TBC1D10C: variants seen among roughly 807,000 people sequenced by gnomAD.
The protein encoded by TBC1D10C is TBC1 domain family member 10C, also known as carabin.
Under a neutral mutation model 51.0 loss-of-function variants are expected in TBC1D10C, and 49 were observed. That is an observed-to-expected ratio of 0.96 (90% CI 0.76 to 1.22). TBC1D10C has a LOEUF of 1.22. Among genes scored for constraint, TBC1D10C ranks in the 50% most tolerant of loss-of-function variants. The pLI is 0.00. For synonymous variants in TBC1D10C, 281 were observed against 266.7 expected, an observed-to-expected ratio of 1.05 and a Z score of -0.52; for missense variants, 541 against 617.5, an observed-to-expected ratio of 0.88 and a Z score of 1.31.
chr11:67,407,257 C>A, intron 7 of TBC1D10C: 1 of 525,800 alleles, frequency 1.9e-6, no homozygotes, highest in South Asian at 2.7e-5. Context: ...GATCACAGCA[C>A]ATGGAGGCCT....
intron 7 of TBC1D10C, chr11:67,407,427 C>G: frequency 5.0e-6 from 1 of 198,998 alleles, no homozygotes; most frequent in Non-Finnish European, 1.0e-5. Flanking sequence ...ACCAAATTCA[C>G]AAGATATTTA....
upstream of TBC1D10C, chr11:67,404,039 C>G (rs1219997934): frequency 3.6e-6 from 3 of 844,742 alleles, no homozygotes; most frequent in African/African-American, 5.4e-5. Flanking sequence ...CAGGGCAGGG[C>G]CTAGCCCCTG....
Position 67,409,824 on chromosome 11 carries a change from C to T in TBC1D10C, c.*70C>T. The T allele has an allele frequency of 7.5e-7, 1 of 1,332,594 alleles. No individual in the cohort carries two copies. Among genetic ancestry groups the T allele is most frequent in the South Asian group, 1.4e-5 (1 of 70,838 alleles). 82.5% of individuals were successfully genotyped at this position (1,332,594 alleles called of 1,614,324 possible). On this transcript the variant is annotated 3_prime_UTR_variant, in exon 9 of 9. Transcript: ENST00000542590. ...CTGATGCCGGCCCGGCAAATAGGCA[C>T]CGCACTTTACTCTTGGGACTCGGGG...
chr11:67,409,083 C>T lies in TBC1D10C; in HGVS notation c.943C>T (p.Leu315Phe), dbSNP rs745996977. 2 of 1,603,312 alleles carry T rather than the reference C, an allele frequency of 1.2e-6. No individual in the cohort carries two copies. Among genetic ancestry groups the T allele is most frequent in the South Asian group, 1.1e-5 (1 of 89,642 alleles). Reference sequence around the variant, plus strand: ...TGGCCTCCTGGAGACACTGGGAGCCCTTCGAGCCATCCCCCCCGCGCAGCT... The same window carrying T: ...TGGCCTCCTGGAGACACTGGGAGCCTTTCGAGCCATCCCCCCCGCGCAGCT... ...CPGLLETLGA[L>F]RAIPPAQLQE... Residue 315 changes from leucine to phenylalanine, a missense_variant, in exon 8 of 9, where the codon CTT becomes TTT. Coordinates refer to ENST00000542590, the MANE Select transcript of TBC1D10C (RefSeq NM_001369496.1).
Position 67,409,455 on chromosome 11 carries a change from G to T in TBC1D10C, c.1042G>T (p.Ala348Ser), listed in dbSNP as rs763971156. ...SERDLQREIK[A>S]QLAQLPDSAP... Reference sequence around the variant, plus strand: ...GCGGGACCTGCAGCGGGAGATCAAGGCCCAGCTGGCCCAGCTGCCCGATTC... The same window carrying T: ...GCGGGACCTGCAGCGGGAGATCAAGTCCCAGCTGGCCCAGCTGCCCGATTC... Residue 348 changes from alanine to serine, a missense_variant, in exon 9 of 9, where the codon GCC becomes TCC. Physicochemically the swap from Ala to Ser is moderately conservative, Grantham distance 99. Coordinates refer to ENST00000542590, the MANE Select transcript of TBC1D10C (RefSeq NM_001369496.1). 17 of 1,548,844 alleles carry T rather than the reference G, an allele frequency of 1.1e-5. No homozygotes were observed. The South Asian group carries it at 2.0e-4, about 18-fold the overall frequency.
In TBC1D10C at chr11:67,409,014, G is replaced by A. The variant is rs201172483; in HGVS notation, c.874G>A (p.Val292Met). The A allele has an allele frequency of 6.4e-6, 10 of 1,572,754 alleles. No individual in the cohort carries two copies. In the African/African-American group the frequency reaches 1.4e-4, roughly 21 times the overall value. Residue 292 changes from valine (V) to methionine (M), a missense_variant, in exon 8 of 9, where the codon GTG becomes ATG. By Grantham distance (21) the Val-to-Met change is conservative (BLOSUM62 1). Transcript: ENST00000542590. Reference sequence around the variant, plus strand: ...ACTGTTCCGTGTGGGGCTGACACTGGTGCGCCTGGCGCTGGGCACTGCAGA... The same window carrying A: ...ACTGTTCCGTGTGGGGCTGACACTGATGCGCCTGGCGCTGGGCACTGCAGA... ...RVLFRVGLTL[V>M]RLALGTAEQR...
At position 67,405,107 on chromosome 11, in the gene TBC1D10C, C is replaced by T; in HGVS notation, c.175C>T (p.Leu59Phe). 1 of 1,551,312 alleles carries T rather than the reference C, an allele frequency of 6.4e-7. No homozygotes were observed. Among genetic ancestry groups the T allele is most frequent in the Non-Finnish European group, 8.7e-7 (1 of 1,146,906 alleles). ...EPGPGHPPAD[L>F]IRQREMKWVE... Reference sequence around the variant, plus strand: ...CAGGCCGGGCCACCCACCTGCAGACCTCATCCGCCAACGGGAGATGAAGTG... The same window carrying T: ...CAGGCCGGGCCACCCACCTGCAGACTTCATCCGCCAACGGGAGATGAAGTG... Residue 59 changes from leucine to phenylalanine, a missense_variant, in exon 2 of 9, where the codon CTC becomes TTC. Transcript: ENST00000542590.
intron 7 of TBC1D10C, 116 bp downstream of exon 7, chr11:67,407,132 G>A: frequency 8.2e-7 from 1 of 1,226,380 alleles, no homozygotes; most frequent in Non-Finnish European, 1.1e-6. Context: ...GTGTGCCGAA[G>A]GTGATGGCCT....
intron 7 of TBC1D10C, 123 bp from the exon 8 acceptor site, chr11:67,408,856 G>T: frequency 1.5e-6 from 2 of 1,305,422 alleles, no homozygotes; most frequent in Non-Finnish European, 2.0e-6. Context: ...CTCTGTCATT[G>T]TTCCTGAACC....
chr11:67,409,794 G>C lies in TBC1D10C; in HGVS notation c.*40G>C. On this transcript the variant is annotated 3_prime_UTR_variant, in exon 9 of 9. Coordinates refer to ENST00000542590, the MANE Select transcript of TBC1D10C (RefSeq NM_001369496.1). ...TAGTGTCCCCCAGTCTCAATTGCCT[G>C]ATGGCTGATGCCGGCCCGGCAAATA... 4 of 1,498,968 alleles carry C rather than the reference G, an allele frequency of 2.7e-6. No homozygotes were observed. The highest frequency in any genetic ancestry group is 3.6e-6 in the Non-Finnish European group (4 of 1,124,298). The allele number at this position is 1,498,968 out of a possible 1,614,324, so 92.9% of individuals were successfully genotyped here.
At chr11:67,407,509 C>T (rs1013471363) in intron 7 of TBC1D10C, 5 of 161,494 alleles carry the variant, frequency 3.1e-5, no homozygotes, top group Admixed American at 5.9e-5. Flanking sequence ...AGTGCAGGGG[C>T]GATGGCTGCA....
intron 7 of TBC1D10C, 139 bp downstream of exon 7, chr11:67,407,155 T>C (rs751971170): frequency 2.2e-4 from 232 of 1,042,238 alleles, no homozygotes; most frequent in Admixed American, 2.1e-4. Flanking sequence ...TGCCTGGCGC[T>C]ACATCACCCA....
chr11:67,408,832 A>G (rs1420602191), intron 7 of TBC1D10C, 147 bp from the exon 8 acceptor site: 1 of 1,104,908 alleles, frequency 9.1e-7, no homozygotes, highest in African/African-American at 1.7e-5. Flanking sequence ...TGTTACCCGA[A>G]ATGCAACTCC....
chr11:67,408,042 A>G (rs1460669535), intron 7 of TBC1D10C: 1 of 152,174 alleles, frequency 6.6e-6, no homozygotes, highest in African/African-American at 2.4e-5. Flanking sequence ...GGGGGCAAAC[A>G]CTACACAGGC....
intron 7 of TBC1D10C, chr11:67,407,851 T>C (rs1025807093): frequency 6.6e-6 from 1 of 152,346 alleles, no homozygotes; most frequent in Non-Finnish European, 1.5e-5. Flanking sequence ...ATACTGTGCA[T>C]ACTGAATGCC....
intron 1 of TBC1D10C, chr11:67,404,855 A>G (rs747031058): frequency 2.3e-5 from 11 of 475,170 alleles, no homozygotes; most frequent in South Asian, 1.3e-4. Flanking sequence ...CCCTCCCCCA[A>G]TACACACCCA....
chr11:67,409,370 G>A (rs1432070798), intron 8 of TBC1D10C, 37 bp from the exon 9 acceptor site: 4 of 1,534,928 alleles, frequency 2.6e-6, no homozygotes, highest in African/African-American at 2.8e-5. Context: ...TTCCTGCCTT[G>A]AGGCCGGGCA....
chr11:67,407,099 T>G, intron 7 of TBC1D10C, 83 bp downstream of exon 7: 2 of 1,459,748 alleles, frequency 1.4e-6, no homozygotes, highest in East Asian at 2.3e-5. Context: ...GTTCCCTTTT[T>G]GAGCCTCAAA....
intron 4 of TBC1D10C, 35 bp downstream of exon 4, chr11:67,405,736 C>T: frequency 6.2e-7 from 1 of 1,609,696 alleles, no homozygotes; most frequent in Non-Finnish European, 8.5e-7. Flanking sequence ...ACCCCCAGCC[C>T]CACAAGCCCC....
Sources: allele counts gnomAD v4.1 joint callset, GRCh38; gene constraint gnomAD v4.1.1; transcripts MANE v1.5; gene names NCBI Gene and HGNC (gene_info 2026-07-23, HGNC 2026-07-21).